Variants in ADCY8 observed in about 807,000 individuals in gnomAD.
The protein encoded by ADCY8 is adenylate cyclase type 8.
Under a neutral mutation model 119.7 loss-of-function variants are expected in ADCY8, and 51 were observed. That is an observed-to-expected ratio of 0.43 (90% CI 0.34 to 0.54). ADCY8 has a LOEUF of 0.54. Ranked by LOEUF, ADCY8 falls within the 20% of genes least tolerant of loss-of-function variation. The pLI is 0.03. For missense variants in ADCY8, 1,383 were observed against 1,598.8 expected, an observed-to-expected ratio of 0.87 and a Z score of 2.30; for synonymous variants, 665 against 651.0, an observed-to-expected ratio of 1.02 and a Z score of -0.33.
chr8:130,923,032 A>G (rs1032666207), intron 5 of ADCY8, among the ~76,000 whole-genome samples: 2 of 152,226 alleles, frequency 1.3e-5, no homozygotes, highest in Admixed American at 1.3e-4. Flanking sequence ...TTTATCAACA[A>G]TTATTTCTAG....
intron 1 of ADCY8, among the ~76,000 whole-genome samples, chr8:131,020,332 G>C (rs917867982): frequency 6.6e-6 from 1 of 152,110 alleles, no homozygotes; most frequent in Admixed American, 6.5e-5. Flanking sequence ...AGTATCTTCT[G>C]CTCTAGAGTG....
In ADCY8 at chr8:131,017,138, C is replaced by T. The variant is rs184233820; in HGVS notation, c.960+22236G>A. On this transcript the variant is annotated intron_variant, in intron 1 of 17. Coordinates refer to ENST00000286355, the MANE Select transcript of ADCY8 (RefSeq NM_001115.3). ...AGGCTGGAGTGCAGCGGCATGATCT[C>T]GGTTCACTGCAACCTTTGCATCCCA... 1.6e-4 allele frequency among the ~76,000 whole-genome samples: 24 copies of T among 151,388 alleles called. 1 individual carries two copies. Among genetic ancestry groups the T allele is most frequent in the Admixed American group, 7.9e-4 (12 of 15,176 alleles).
intron 12 of ADCY8, among the ~76,000 whole-genome samples, chr8:130,824,320 T>A (rs1219761459): frequency 6.6e-6 from 1 of 152,162 alleles, no homozygotes. Context: ...AATTGTCATA[T>A]CAACAATCAA....
chr8:130,874,960 A>G (rs1379302633), intron 8 of ADCY8, among the ~76,000 whole-genome samples: 1 of 152,080 alleles, frequency 6.6e-6, no homozygotes, highest in Middle Eastern at 3.2e-3. Flanking sequence ...ATGTCTACCC[A>G]TGAAGCGTTA....
intron 12 of ADCY8, among the ~76,000 whole-genome samples, chr8:130,826,933 G>A (rs1176956264): frequency 6.6e-6 from 1 of 151,928 alleles, no homozygotes; most frequent in Non-Finnish European, 1.5e-5. Flanking sequence ...GGGGTTGGGG[G>A]AGGGATAGCA....
At position 130,904,120 on chromosome 8, in the gene ADCY8, C is replaced by A. The variant is rs1819702499; in HGVS notation, c.1641-78G>T. 8 of 1,399,964 alleles carry A rather than the reference C, an allele frequency of 5.7e-6. No individual in the cohort carries two copies. The Admixed American group carries it at 1.1e-4, about 20-fold the overall frequency. 86.7% of individuals were successfully genotyped at this position (1,399,964 alleles called of 1,614,324 possible). On this transcript the variant is annotated intron_variant, in intron 6 of 17. Coordinates refer to ENST00000286355, the MANE Select transcript of ADCY8 (RefSeq NM_001115.3). ...CTATATTTTTTTGACCTGTACAAAA[C>A]CAACACCAGGGTTACACAAGGGTAT...
At chr8:130,820,155 T>C (rs1431972701) in intron 13 of ADCY8, among the ~76,000 whole-genome samples, 3 of 152,202 alleles carry the variant, frequency 2.0e-5, no homozygotes, top group Non-Finnish European at 4.4e-5. Flanking sequence ...ATTCATTTCC[T>C]TCACTTGCCA....
chr8:130,899,227 A>C (rs951564181), intron 7 of ADCY8, among the ~76,000 whole-genome samples: 1 of 152,196 alleles, frequency 6.6e-6, no homozygotes, highest in African/African-American at 2.4e-5. Context: ...TCTGTATGCT[A>C]TATACTCCCT....
At chr8:130,975,497 G>A (rs1201015020) in intron 2 of ADCY8, among the ~76,000 whole-genome samples, 1 of 152,204 alleles carries the variant, frequency 6.6e-6, no homozygotes, top group African/African-American at 2.4e-5. Context: ...GTAGAAGCAA[G>A]AACCTTGAAC....
chr8:130,930,709 C>A (rs1820607110), intron 5 of ADCY8, among the ~76,000 whole-genome samples: 1 of 152,098 alleles, frequency 6.6e-6, no homozygotes, highest in Non-Finnish European at 1.5e-5. Flanking sequence ...TAATCCACTT[C>A]TCTCCAGCAT....
rs377532315 is a variant in ADCY8 at position 130,909,770 on chromosome 8, C to T, written c.1578G>A (p.Gln526=). 7.4e-6 allele frequency: 12 copies of T among 1,614,052 alleles called. No individual in the cohort carries two copies. The highest frequency in any genetic ancestry group is 2.7e-5 in the African/African-American group (2 of 74,920). Residue 526 remains glutamine, a synonymous_variant, in exon 6 of 18, where the codon CAG becomes CAA. Transcript: ENST00000286355. ...CCACATCCCAAGACCAGACATCAAA[C>T]TGCCACTTCCTTAGTCCCAAAACAC... ...LCGVLGLRKW[Q]FDVWSWDVDI...
chr8:130,923,116 C>A (rs1820363999), intron 5 of ADCY8, among the ~76,000 whole-genome samples: 1 of 152,122 alleles, frequency 6.6e-6, no homozygotes, highest in South Asian at 2.1e-4. Flanking sequence ...GAACATCACT[C>A]TAATTGAAGC....
At chr8:131,017,809 T>C (rs990102639) in intron 1 of ADCY8, among the ~76,000 whole-genome samples, 4 of 136,624 alleles carry the variant, frequency 2.9e-5, no homozygotes, top group Non-Finnish European at 4.8e-5. Flanking sequence ...GGCAGAGAAG[T>C]ATGCCATGTA....
chr8:130,952,444 G>GT (rs1344432911), intron 2 of ADCY8, among the ~76,000 whole-genome samples: 1 of 152,190 alleles, frequency 6.6e-6, no homozygotes, highest in African/African-American at 2.4e-5. Context: ...AGTCTGTCCT[G>GT]TGTAGTGCAA....
chr8:130,792,798 C>T (rs1033554897), intron 15 of ADCY8, among the ~76,000 whole-genome samples: 20 of 152,158 alleles, frequency 1.3e-4, no homozygotes, highest in African/African-American at 2.7e-4. Flanking sequence ...ATCAAAGTTA[C>T]GTTACATCCC....
At chr8:130,875,484 T>C (rs1818526810) in intron 8 of ADCY8, among the ~76,000 whole-genome samples, 1 of 152,236 alleles carries the variant, frequency 6.6e-6, no homozygotes, top group African/African-American at 2.4e-5. Context: ...TTTCTGTTCA[T>C]CTAAATAAGA....
chr8:130,874,669 A>T (rs1818493929), intron 8 of ADCY8, among the ~76,000 whole-genome samples: 2 of 152,204 alleles, frequency 1.3e-5, no homozygotes, highest in South Asian at 2.1e-4. Context: ...CAGGGGTGAC[A>T]GAAGACCCTA....
chr8:130,974,935 C>A (rs2130711841), intron 2 of ADCY8, among the ~76,000 whole-genome samples: 2 of 152,234 alleles, frequency 1.3e-5, no homozygotes, highest in East Asian at 3.9e-4. Flanking sequence ...CCACATATTG[C>A]CAGGGTGTAT....
intron 1 of ADCY8, among the ~76,000 whole-genome samples, chr8:131,018,982 T>G (rs1282488174): frequency 1.3e-5 from 2 of 152,218 alleles, no homozygotes; most frequent in African/African-American, 4.8e-5. Context: ...ACCTCCATGG[T>G]GAAGTCTTCC....
Sources: gnomAD v4.1 joint callset for allele counts (sites outside exome capture counted in the v4.1 genomes callset) on GRCh38, gnomAD v4.1.1 for gene constraint, MANE v1.5 for transcripts, NCBI Gene and HGNC (gene_info 2026-07-23, HGNC 2026-07-21) for gene names.